TMEM117: variants seen among roughly 807,000 people sequenced by gnomAD.
TMEM117 encodes transmembrane protein 117.
A neutral mutation model predicts 52.4 loss-of-function variants in TMEM117; 27 were observed. The observed-to-expected ratio is 0.51, with a 90% CI of 0.38 to 0.71. The LOEUF (loss-of-function observed/expected upper bound fraction) is 0.71. Ranked by LOEUF, TMEM117 falls within the 30% of genes least tolerant of loss-of-function variation. The probability of loss-of-function intolerance (pLI) is 0.00; values close to 1 mark genes in which losing one functional copy is unlikely to be tolerated. For synonymous variants in TMEM117, 215 were observed against 206.3 expected (o/e 1.04, Z -0.36); for missense variants, 556 against 630.5 (o/e 0.88, Z 1.26).
intron 2 of TMEM117, among the ~76,000 whole-genome samples, chr12:43,853,076 TTATA>T (rs143738239): frequency 0.037 from 5,696 of 152,314 alleles, 268 homozygotes; most frequent in African/African-American, 0.1. Flanking sequence ...ATGTGTTTGC[TTATA>T]TAGTTATTTG....
intron 2 of TMEM117, among the ~76,000 whole-genome samples, chr12:43,907,771 T>C (rs1372073495): frequency 6.7e-6 from 1 of 149,262 alleles, no homozygotes; most frequent in Non-Finnish European, 1.5e-5. Context: ...ATGAATGAAA[T>C]GAAGCAAGAA....
chr12:43,950,396 AC>A (rs1241462467), intron 3 of TMEM117, among the ~76,000 whole-genome samples: 2 of 151,930 alleles, frequency 1.3e-5, no homozygotes, highest in Non-Finnish European at 2.9e-5. Flanking sequence ...ATGACTTTAA[AC>A]AATTGCCCCC....
intron 3 of TMEM117, among the ~76,000 whole-genome samples, chr12:44,043,670 A>C (rs370289442): frequency 1.3e-5 from 2 of 151,748 alleles, no homozygotes; most frequent in East Asian, 1.9e-4. Context: ...CACCCCCAAC[A>C]CCCCTATTTG....
intron 3 of TMEM117, among the ~76,000 whole-genome samples, chr12:43,947,834 G>A (rs770056698): frequency 6.6e-6 from 1 of 152,182 alleles, no homozygotes; most frequent in Admixed American, 6.5e-5. Flanking sequence ...AACTGGAGGA[G>A]TTCAGGACTA....
At chr12:44,373,609 G>A (rs1454451583) in intron 6 of TMEM117, among the ~76,000 whole-genome samples, 3 of 151,774 alleles carry the variant, frequency 2.0e-5, no homozygotes, top group Admixed American at 6.6e-5. Flanking sequence ...ATGTGCTAAT[G>A]TTATCTCATC....
intron 4 of TMEM117, among the ~76,000 whole-genome samples, chr12:44,194,187 AAGAT>A (rs1331658861): frequency 2.0e-5 from 3 of 152,322 alleles, no homozygotes; most frequent in East Asian, 3.9e-4. Flanking sequence ...ATGTCAGAAA[AAGAT>A]AGAGAATATG....
chr12:43,906,848 C>A (rs868123179), intron 2 of TMEM117, among the ~76,000 whole-genome samples: 58 of 152,360 alleles, frequency 3.8e-4, no homozygotes, highest in Middle Eastern at 3.4e-3. Context: ...GGGTCCTACC[C>A]CCACGGAGTC....
intron 3 of TMEM117, among the ~76,000 whole-genome samples, chr12:43,973,966 G>T (rs1031366280): frequency 1.3e-5 from 2 of 152,130 alleles, no homozygotes; most frequent in Non-Finnish European, 2.9e-5. Context: ...TTTTTTGTCA[G>T]TTTAGATTAT....
At chr12:44,130,379 C>T (rs1410466299) in intron 3 of TMEM117, among the ~76,000 whole-genome samples, 1 of 152,180 alleles carries the variant, frequency 6.6e-6, no homozygotes, top group Non-Finnish European at 1.5e-5. Flanking sequence ...CCCTTCCCTC[C>T]AAAGTAATAA....
chr12:44,337,843 A>G (rs987025009), intron 6 of TMEM117, among the ~76,000 whole-genome samples: 3 of 152,112 alleles, frequency 2.0e-5, no homozygotes, highest in South Asian at 2.1e-4. Flanking sequence ...GAAAATGTAT[A>G]AATCAAGTGC....
intron 2 of TMEM117, among the ~76,000 whole-genome samples, chr12:43,853,526 C>T (rs999084620): frequency 6.6e-6 from 1 of 152,164 alleles, no homozygotes; most frequent in African/African-American, 2.4e-5. Flanking sequence ...CACCTTGCCT[C>T]GGTCTCCTAA....
chr12:44,183,169 A>T (rs1949229373), intron 4 of TMEM117, among the ~76,000 whole-genome samples: 1 of 152,210 alleles, frequency 6.6e-6, no homozygotes, highest in South Asian at 2.1e-4. Flanking sequence ...TGTATTTCTA[A>T]TATTTTCCAT....
intron 2 of TMEM117, among the ~76,000 whole-genome samples, chr12:43,942,770 C>A (rs1452417426): frequency 6.6e-6 from 1 of 152,082 alleles, no homozygotes; most frequent in East Asian, 1.9e-4. Flanking sequence ...TCTTCCTATG[C>A]TCAGTGAGAT....
chr12:44,057,588 GA>G (rs200770512), intron 3 of TMEM117, among the ~76,000 whole-genome samples: 11 of 139,860 alleles, frequency 7.9e-5, no homozygotes, highest in East Asian at 2.1e-4. Flanking sequence ...TGATTTTTTT[GA>G]AAAAAAAATA....
chr12:44,006,801 T>C (rs1284076673), intron 3 of TMEM117, among the ~76,000 whole-genome samples: 1 of 152,184 alleles, frequency 6.6e-6, no homozygotes, highest in African/African-American at 2.4e-5. Context: ...GCACTGAAGA[T>C]GCAATGCTGA....
chr12:43,880,903 G>A (rs1453954478), intron 2 of TMEM117, among the ~76,000 whole-genome samples: 1 of 152,148 alleles, frequency 6.6e-6, no homozygotes, highest in Non-Finnish European at 1.5e-5. Flanking sequence ...TCATGTAAAA[G>A]TATAATTTAT....
intron 3 of TMEM117, among the ~76,000 whole-genome samples, chr12:44,003,222 G>A (rs2137783902): frequency 6.6e-6 from 1 of 152,326 alleles, no homozygotes; most frequent in African/African-American, 2.4e-5. Context: ...TAATGAAGGA[G>A]GAAGAGGTTT....
chr12:44,381,538 G>A (rs902999657), intron 7 of TMEM117, among the ~76,000 whole-genome samples: 1 of 152,162 alleles, frequency 6.6e-6, no homozygotes, highest in African/African-American at 2.4e-5. Context: ...GAGTAAATTA[G>A]GAGGGGGTTG....
chr12:44,215,722 CT>C (rs558644951), intron 5 of TMEM117, among the ~76,000 whole-genome samples: 51 of 137,142 alleles, frequency 3.7e-4, no homozygotes, highest in African/African-American at 1.2e-3. Flanking sequence ...AAAGCCTTAG[CT>C]TTTTTTAAAA....
Sources: gnomAD v4.1 joint callset for allele counts (sites outside exome capture counted in the v4.1 genomes callset) on GRCh38, gnomAD v4.1.1 for gene constraint, MANE v1.5 for transcripts, NCBI Gene and HGNC (gene_info 2026-07-23, HGNC 2026-07-21) for gene names.